The following EIF4B variants were observed in gnomAD, a reference collection of about 807,000 sequenced individuals.
EIF4B encodes eukaryotic translation initiation factor 4B.
A neutral mutation model predicts 79.3 loss-of-function variants in EIF4B; 8 were observed. That is an observed-to-expected ratio of 0.10 (90% CI 0.06 to 0.18). EIF4B has a LOEUF of 0.18. Among genes scored for constraint, EIF4B ranks in the 10% least tolerant of loss-of-function variants. The pLI is 1.00. For missense variants in EIF4B, 515 were observed against 792.4 expected, an observed-to-expected ratio of 0.65 and a Z score of 4.20; for synonymous variants, 238 against 274.7, an observed-to-expected ratio of 0.87 and a Z score of 1.32.
intron 8 of EIF4B, among the ~76,000 whole-genome samples, chr12:53,028,708 T>C (rs1040033900): frequency 1.3e-5 from 2 of 152,144 alleles, no homozygotes; most frequent in African/African-American, 4.8e-5. Flanking sequence ...CAGATACTGT[T>C]ATGTTGTGAT....
At position 53,014,425 on chromosome 12, in the gene EIF4B, A is replaced by G. The variant is rs1943115872; in HGVS notation, c.14-2048A>G. ...GAGACTCCGTCTCAAAAAAAAAAAA[A>G]AAAGCGTAGGATGGATTCAAAATGT... On this transcript the variant is annotated intron_variant, in intron 1 of 14. Coordinates refer to ENST00000262056, the MANE Select transcript of EIF4B (RefSeq NM_001417.7). Among the ~76,000 whole-genome samples the G allele has an allele frequency of 2.0e-5, 3 of 152,240 alleles. 1 individual carries two copies. Among genetic ancestry groups the G allele is most frequent in the Admixed American group, 1.3e-4 (2 of 15,268 alleles).
chr12:53,039,421 A>C (rs1592230338), intron 13 of EIF4B, 78 bp downstream of exon 13: 15 of 1,305,336 alleles, frequency 1.1e-5, no homozygotes, highest in South Asian at 1.1e-4. Context: ...TGGTTCTCAG[A>C]GCACTGCCAG....
intron 1 of EIF4B, among the ~76,000 whole-genome samples, chr12:53,010,436 C>A (rs973588419): frequency 2.0e-5 from 3 of 152,112 alleles, no homozygotes; most frequent in Non-Finnish European, 4.4e-5. Flanking sequence ...CTGACAGTCT[C>A]ATCATAAGTC....
At position 53,019,450 on chromosome 12, in the gene EIF4B, C is replaced by CTTTTTTTTTTTTT. The variant is rs71095966; in HGVS notation, c.361-448_361-436dup. Among the ~76,000 whole-genome samples, 213 of 66,004 alleles carry CTTTTTTTTTTTTT rather than the reference C, an allele frequency of 3.2e-3. 25 individuals carry two copies. Among genetic ancestry groups the CTTTTTTTTTTTTT allele is most frequent in the Non-Finnish European group, 5.2e-3 (165 of 31,886 alleles). The allele number at this position is 66,004 out of a possible 152,430, so 43.3% of individuals were successfully genotyped here. Reference sequence around the variant, plus strand: ...ATATATATATATATTTTTTTTTTTTCTTTTTTTTTTTTTTTTTTTTTTTTG... The same window carrying CTTTTTTTTTTTTT: ...ATATATATATATATTTTTTTTTTTTCTTTTTTTTTTTTTTTTTTTTTTTTTTTTTTTTTTTTTG... On this transcript the variant is annotated intron_variant, in intron 3 of 14. Transcript: ENST00000262056.
At chr12:53,010,966 T>C (rs1318102767) in intron 1 of EIF4B, among the ~76,000 whole-genome samples, 1 of 152,232 alleles carries the variant, frequency 6.6e-6, no homozygotes, top group Non-Finnish European at 1.5e-5. Flanking sequence ...TTTACACTTT[T>C]AAAGTATACA....
intron 1 of EIF4B, 78 bp from the exon 2 acceptor site, chr12:53,016,395 G>A (rs1943149082): frequency 5.7e-6 from 9 of 1,566,528 alleles, no homozygotes; most frequent in Non-Finnish European, 7.8e-6. Context: ...TCTAAATAAT[G>A]TTTTACAATA....
At position 53,006,543 on chromosome 12, in the gene EIF4B, C is replaced by T. The variant is rs759598484; in HGVS notation, c.13+47C>T. On this transcript the variant is annotated intron_variant, in intron 1 of 14. Coordinates refer to ENST00000262056, the MANE Select transcript of EIF4B (RefSeq NM_001417.7). The stretch of plus-strand genomic sequence containing the variant: ...GCCAAGGACTGGGCTCTGAAACCCC[C>T]CTCCGAGCGTGATCCACTGATTTCC... The T allele has an allele frequency of 4.3e-6, 7 of 1,612,900 alleles. No individual in the cohort carries two copies. In the African/African-American group the frequency reaches 6.7e-5, roughly 15 times the overall value.
rs377660639 is a variant in EIF4B at position 53,034,657 on chromosome 12, G to C, written c.1254G>C (p.Ser418=). The part of the protein sequence containing the change: ...RSEETQERER[S]RTGSESSQTG... ...AAGAAACTCAGGAACGGGAACGGTC[G>C]AGGACAGGAAGTGAGTCATCACAAA... Residue 418 remains serine (S), a synonymous_variant, in exon 10 of 15, where the codon TCG becomes TCC. Transcript: ENST00000262056. The C allele has an allele frequency of 7.4e-6, 12 of 1,613,982 alleles. No homozygotes were observed. Among genetic ancestry groups the C allele is most frequent in the Non-Finnish European group, 1.0e-5 (12 of 1,179,880 alleles).
At chr12:53,031,831 C>T in intron 8 of EIF4B, among the ~76,000 whole-genome samples, 1 of 152,146 alleles carries the variant, frequency 6.6e-6, no homozygotes. Context: ...ATTTAGAGGA[C>T]AGAGTACAGC....
At chr12:53,021,995 C>A (rs938288466) in intron 5 of EIF4B, 135 bp downstream of exon 5, 60 of 1,045,756 alleles carry the variant, frequency 5.7e-5, no homozygotes, top group Middle Eastern at 6.2e-4. Context: ...TCAGTTTTGC[C>A]CCACAGGGGA....
chr12:53,032,924 G>A (rs1943472848), intron 8 of EIF4B, among the ~76,000 whole-genome samples: 1 of 152,124 alleles, frequency 6.6e-6, no homozygotes, highest in South Asian at 2.1e-4. Context: ...GCCCGCCTCA[G>A]CCCCCCAAAG....
intron 12 of EIF4B, 197 bp from the exon 13 acceptor site, chr12:53,039,040 AT>A: frequency 2.1e-6 from 1 of 476,564 alleles, no homozygotes; most frequent in Non-Finnish European, 3.7e-6. Flanking sequence ...TTTTTAGTGG[AT>A]TTTGTTTGTT....
intron 12 of EIF4B, 86 bp from the exon 13 acceptor site, chr12:53,039,152 A>G (rs1548203): frequency 0.89 from 918,467 of 1,034,900 alleles, 412,978 homozygotes; most frequent in Non-Finnish European, 0.93. Context: ...TGTGGGCACA[A>G]TTTTCTTCAG....
rs752116732 is a variant in EIF4B, at chr12:53,021,845, C to G, written c.517C>G (p.Gln173Glu). Residue 173 changes from glutamine (Q) to glutamate (E), a missense_variant, in exon 5 of 15, where the codon CAA becomes GAA. Physicochemically the swap from Gln to Glu is conservative, Grantham distance 29. Coordinates refer to ENST00000262056, the MANE Select transcript of EIF4B (RefSeq NM_001417.7). ...GAGAATTCGAGTGGACGTTGCTGAT[C>G]AAGCACAGGATAAAGGTAAGGAAAC... Reference protein sequence around the residue: ...NRRIRVDVADQAQDKDRDDRS... With the variant: ...NRRIRVDVADEAQDKDRDDRS... 6.2e-7 allele frequency: 1 copy of G among 1,614,190 alleles called. No homozygotes were observed. Among genetic ancestry groups the G allele is most frequent in the South Asian group, 1.1e-5 (1 of 91,086 alleles).
At chr12:53,023,850 TGG>T (rs1943291292) in intron 6 of EIF4B, among the ~76,000 whole-genome samples, 3 of 152,192 alleles carry the variant, frequency 2.0e-5, no homozygotes, top group Non-Finnish European at 4.4e-5. Context: ...CCCAAAGTGC[TGG>T]GATTACAGGC....
intron 1 of EIF4B, among the ~76,000 whole-genome samples, chr12:53,009,332 T>C (rs1343366524): frequency 6.6e-6 from 1 of 152,126 alleles, no homozygotes; most frequent in Non-Finnish European, 1.5e-5. Context: ...GAGACCAGCC[T>C]GGCCAACATG....
At chr12:53,007,729 C>G (rs954488467) in intron 1 of EIF4B, among the ~76,000 whole-genome samples, 5 of 152,178 alleles carry the variant, frequency 3.3e-5, no homozygotes, top group African/African-American at 1.2e-4. Context: ...AATTCATCGT[C>G]TCTATTACAA....
chr12:53,027,838 C>T lies in EIF4B; in HGVS notation c.724C>T (p.Arg242Trp). The T allele has an allele frequency of 2.5e-6, 4 of 1,614,028 alleles. No homozygotes were observed. The highest frequency in any genetic ancestry group is 2.2e-5 in the South Asian group (2 of 91,072). ...TCGGGATGGGTATCGGGATGGGTATCGGGATGGCCCACGCCGGGATATGGA... is the reference window on the plus strand; with the variant it reads ...TCGGGATGGGTATCGGGATGGGTATTGGGATGGCCCACGCCGGGATATGGA... ...RYRDGYRDGY[R>W]DGPRRDMDRY... The change falls in exon 7 of 15, where the codon CGG becomes TGG. Residue 242 changes from arginine (R) to tryptophan (W), a missense_variant. Arg to Trp is a moderately radical substitution (Grantham distance 101). This residue lies in a region of EIF4B where 187 missense variants were observed against 256.5 expected (regional missense o/e 0.73). Coordinates refer to ENST00000262056, the MANE Select transcript of EIF4B (RefSeq NM_001417.7).
chr12:53,008,706 A>C (rs1943010629), intron 1 of EIF4B: 1 of 152,222 alleles, frequency 6.6e-6, no homozygotes, highest in African/African-American at 2.4e-5. Flanking sequence ...TGATACATTG[A>C]GCCAGTACAC....
Sources: allele counts gnomAD v4.1 joint callset (sites outside exome capture counted in the v4.1 genomes callset), GRCh38; gene constraint gnomAD v4.1.1; regional missense constraint gnomAD v4.1.1; transcripts MANE v1.5; gene names NCBI Gene and HGNC (gene_info 2026-07-23, HGNC 2026-07-21).